Variants in SOX6 observed in about 807,000 individuals in gnomAD.
SOX6 encodes the protein SRY-box transcription factor 6, also known as transcription factor SOX-6.
Under a neutral mutation model 97.8 loss-of-function variants are expected in SOX6, and 11 were observed. The ratio of observed to expected loss-of-function variants is 0.11; its 90% CI spans 0.07 to 0.19. The LOEUF (loss-of-function observed/expected upper bound fraction) is 0.19, where lower values mean the gene tolerates loss of function less well. SOX6 is among the 10% of genes least tolerant of loss of function. The pLI, the probability that SOX6 is intolerant of heterozygous loss-of-function variation, is 1.00. For synonymous variants in SOX6, 360 were observed against 371.4 expected, an observed-to-expected ratio of 0.97 and a Z score of 0.35; for missense variants, 810 against 1,039.5, an observed-to-expected ratio of 0.78 and a Z score of 3.04.
chr11:16,177,624 T>TCTCTCTCA (rs1851231777), intron 6 of SOX6, among the ~76,000 whole-genome samples: 1 of 49,852 alleles, frequency 2.0e-5, no homozygotes, highest in African/African-American at 4.1e-5. Flanking sequence ...TAAGATGATC[T>TCTCTCTCA]CTCTCTCTCT....
At chr11:16,255,028 A>G (rs1853642855) in intron 3 of SOX6, among the ~76,000 whole-genome samples, 1 of 152,092 alleles carries the variant, frequency 6.6e-6, no homozygotes, top group South Asian at 2.1e-4. Flanking sequence ...GAATAAAAAG[A>G]GTATTTCAAA....
intron 6 of SOX6, among the ~76,000 whole-genome samples, chr11:16,134,608 T>C (rs1231723061): frequency 6.6e-6 from 1 of 152,234 alleles, no homozygotes; most frequent in East Asian, 1.9e-4. Context: ...ATTCTCGCAA[T>C]ATTTCCAATT....
chr11:16,204,769 A>G (rs1159526470), intron 4 of SOX6, among the ~76,000 whole-genome samples: 1 of 152,116 alleles, frequency 6.6e-6, no homozygotes, highest in African/African-American at 2.4e-5. Context: ...CAGGAAATCA[A>G]TGTTGTAAAG....
At chr11:16,244,444 T>G (rs1477660008) in intron 3 of SOX6, among the ~76,000 whole-genome samples, 1 of 151,834 alleles carries the variant, frequency 6.6e-6, no homozygotes, top group African/African-American at 2.4e-5. Context: ...CACTTTAATG[T>G]GATTTGATTA....
chr11:16,700,219 G>A (rs1848082780), intron 3 of SOX6, among the ~76,000 whole-genome samples: 1 of 151,828 alleles, frequency 6.6e-6, no homozygotes. Flanking sequence ...AACACTAATA[G>A]GTAAAATGGG....
At chr11:16,529,131 A>AAT (rs2133168046) in intron 4 of SOX6, among the ~76,000 whole-genome samples, 1 of 152,230 alleles carries the variant, frequency 6.6e-6, no homozygotes, top group African/African-American at 2.4e-5. Flanking sequence ...AACATACTAT[A>AAT]ATAGCAATGT....
At chr11:16,199,448 C>T (rs1851874916) in intron 4 of SOX6, among the ~76,000 whole-genome samples, 1 of 152,128 alleles carries the variant, frequency 6.6e-6, no homozygotes, top group Admixed American at 6.5e-5. Flanking sequence ...AGCTTGTTAG[C>T]TTGTAATCAA....
chr11:16,504,549 A>C (rs1230369417), intron 4 of SOX6, among the ~76,000 whole-genome samples: 1 of 147,606 alleles, frequency 6.8e-6, no homozygotes, highest in Non-Finnish European at 1.5e-5. Context: ...CTACAAGGAA[A>C]ACTGTAAACC....
intron 1 of SOX6, among the ~76,000 whole-genome samples, chr11:16,378,930 T>G (rs1269637057): frequency 6.6e-6 from 1 of 152,080 alleles, no homozygotes; most frequent in East Asian, 1.9e-4. Context: ...TGATAGGCTA[T>G]TCTAAATATT....
chr11:15,988,962 GAGA>G lies in SOX6; in HGVS notation c.1966+32_1966+34del, dbSNP rs758007276. 6 of 1,584,210 alleles carry G rather than the reference GAGA, an allele frequency of 3.8e-6. No individual in the cohort carries two copies. In the Admixed American group the frequency reaches 6.7e-5, roughly 18 times the overall value. ...GGTGGCACTCATGGGATTTGCAGGGGAGAAGATCAGCTTTAGCTGCACTGCTGC... is the reference window on the plus strand; with the variant it reads ...GGTGGCACTCATGGGATTTGCAGGGGAGATCAGCTTTAGCTGCACTGCTGC... On this transcript the variant is annotated intron_variant, in intron 14 of 15. Transcript: ENST00000683767.
intron 4 of SOX6, among the ~76,000 whole-genome samples, chr11:16,514,767 A>G (rs989715783): frequency 1.4e-5 from 2 of 141,900 alleles, no homozygotes; most frequent in Admixed American, 7.5e-5. Flanking sequence ...TCATTGTTCA[A>G]TTGCCACCTA....
At chr11:16,148,711 T>C (rs1589975044) in intron 6 of SOX6, among the ~76,000 whole-genome samples, 1 of 152,156 alleles carries the variant, frequency 6.6e-6, no homozygotes, top group Middle Eastern at 3.4e-3. Flanking sequence ...TTAATGCCTC[T>C]CTCTCCTTAC....
intron 3 of SOX6, among the ~76,000 whole-genome samples, chr11:16,680,476 A>G (rs1847917899): frequency 6.6e-6 from 1 of 152,226 alleles, no homozygotes; most frequent in Non-Finnish European, 1.5e-5. Flanking sequence ...CATGGAAAGG[A>G]ACAACCAGTA....
intron 6 of SOX6, among the ~76,000 whole-genome samples, chr11:16,113,292 A>C (rs1849272270): frequency 6.6e-6 from 1 of 152,248 alleles, no homozygotes; most frequent in African/African-American, 2.4e-5. Flanking sequence ...TCATTTCTCA[A>C]GAAAATCAAC....
At chr11:16,645,426 G>A (rs1429151733) in intron 3 of SOX6, among the ~76,000 whole-genome samples, 1 of 152,130 alleles carries the variant, frequency 6.6e-6, no homozygotes, top group African/African-American at 2.4e-5. Flanking sequence ...ATCAATTTAT[G>A]TATTAGTGTT....
chr11:16,724,004 C>T (rs1354033823), intron 2 of SOX6, among the ~76,000 whole-genome samples: 1 of 152,104 alleles, frequency 6.6e-6, no homozygotes, highest in Non-Finnish European at 1.5e-5. Flanking sequence ...AATTATAATT[C>T]ACATTTGTAC....
chr11:16,518,140 A>G (rs1386564298), intron 4 of SOX6, among the ~76,000 whole-genome samples: 2 of 152,194 alleles, frequency 1.3e-5, no homozygotes, highest in Non-Finnish European at 2.9e-5. Context: ...CCGTCCTGTT[A>G]AAGGCTTTCA....
chr11:16,591,373 A>AGATAGATT (rs1848152023), intron 4 of SOX6, among the ~76,000 whole-genome samples: 2 of 151,888 alleles, frequency 1.3e-5, no homozygotes, highest in Non-Finnish European at 2.9e-5. Flanking sequence ...ATAGATAGAT[A>AGATAGATT]GATTTCAGAA....
At chr11:16,217,454 G>C (rs1332079336) in intron 4 of SOX6, among the ~76,000 whole-genome samples, 3 of 152,100 alleles carry the variant, frequency 2.0e-5, no homozygotes, top group African/African-American at 4.8e-5. Context: ...AATATGGTCA[G>C]AGGTATATCT....
Sources: allele counts gnomAD v4.1 joint callset (sites outside exome capture counted in the v4.1 genomes callset), GRCh38; gene constraint gnomAD v4.1.1; transcripts MANE v1.5; gene names NCBI Gene and HGNC (gene_info 2026-07-23, HGNC 2026-07-21).